EPB41L3: variants seen among roughly 807,000 people sequenced by gnomAD.
EPB41L3 encodes the protein erythrocyte membrane protein band 4.1 like 3, also known as band 4.1-like protein 3.
Under a neutral mutation model 127.1 loss-of-function variants are expected in EPB41L3, and 57 were observed. That is an observed-to-expected ratio of 0.45 (90% CI 0.36 to 0.56). The LOEUF (loss-of-function observed/expected upper bound fraction) is 0.56. Ranked by LOEUF, EPB41L3 falls within the 20% of genes least tolerant of loss-of-function variation. The probability of loss-of-function intolerance (pLI) is 0.00; values close to 1 mark genes in which losing one functional copy is unlikely to be tolerated. For synonymous variants in EPB41L3, 572 were observed against 549.5 expected, an observed-to-expected ratio of 1.04 and a Z score of -0.57; for missense variants, 1,273 against 1,372.2, an observed-to-expected ratio of 0.93 and a Z score of 1.14.
chr18:5,519,992 T>C (rs2092921093), intron 1 of EPB41L3, among the ~76,000 whole-genome samples: 1 of 152,224 alleles, frequency 6.6e-6, no homozygotes, highest in African/African-American at 2.4e-5. Context: ...ATGGAACTGT[T>C]TTGCTTTTTG....
At chr18:5,410,064 G>C (rs533704025) in intron 14 of EPB41L3, among the ~76,000 whole-genome samples, 1 of 152,242 alleles carries the variant, frequency 6.6e-6, no homozygotes, top group East Asian at 1.9e-4. Flanking sequence ...CTACAAAAAT[G>C]AGTCAGGTAA....
chr18:5,423,407 C>A lies in EPB41L3; in HGVS notation c.1310G>T (p.Arg437Leu), dbSNP rs781699049. The A allele has an allele frequency of 6.2e-7, 1 of 1,612,206 alleles. No individual in the cohort carries two copies. Among genetic ancestry groups the A allele is most frequent in the Non-Finnish European group, 8.5e-7 (1 of 1,178,612 alleles). Reference protein sequence around the residue: ...APYFERSSSKRYTMSRSLDGE... With the variant: ...APYFERSSSKLYTMSRSLDGE... ...ATCCAAGCTGCGAGACATGGTATAA[C>A]GTTTGCTGGATGAGCGTTCAAAGTA... Residue 437 changes from arginine to leucine, a missense_variant, in exon 11 of 23, where the codon CGT (arginine) becomes CTT (leucine). Arg to Leu is a moderately radical substitution (Grantham distance 102, BLOSUM62 -2). Coordinates refer to ENST00000341928, the MANE Select transcript of EPB41L3 (RefSeq NM_012307.5).
In EPB41L3 at chr18:5,397,615, G is replaced by A. The variant is rs2073785982; in HGVS notation, c.2473-189C>T. On this transcript the variant is annotated intron_variant, in intron 17 of 22. Transcript: ENST00000341928. This position sits in a 1 kb window ranked among gnomAD's most constrained non-coding sequence, Gnocchi z 4.1. ...TCTCTGATGCCTGCCCCTGCCCCTG[G>A]TGCATGCACTTGAACCTGCGCTGCT... is the stretch of plus-strand genomic sequence containing the variant. Among the ~76,000 whole-genome samples, 2 of 151,994 alleles carry A rather than the reference G, an allele frequency of 1.3e-5. No individual in the cohort carries two copies. Among genetic ancestry groups the A allele is most frequent in the Admixed American group, 6.5e-5 (1 of 15,274 alleles).
intron 7 of EPB41L3, 104 bp from the exon 8 acceptor site, chr18:5,433,660 G>T: frequency 9.8e-7 from 1 of 1,025,408 alleles, no homozygotes; most frequent in Admixed American, 2.4e-5. Flanking sequence ...TCCTATGGAG[G>T]CACCAGCAGA....
chr18:5,411,618 C>T (rs143903830), intron 13 of EPB41L3, among the ~76,000 whole-genome samples: 6 of 138,072 alleles, frequency 4.3e-5, no homozygotes, highest in Non-Finnish European at 9.1e-5. Context: ...CAGATATCAA[C>T]TAATCATTAA....
At chr18:5,629,745 A>G (rs546116472), upstream of EPB41L3, among the ~76,000 whole-genome samples, 104 of 152,240 alleles carry the variant, frequency 6.8e-4, no homozygotes, top group African/African-American at 2.4e-3. Context: ...CCCTCCTCGC[A>G]AAGAACTGGC....
intron 18 of EPB41L3, 98 bp downstream of exon 18, chr18:5,396,960 A>G (rs2073625591): frequency 7.6e-7 from 1 of 1,321,962 alleles, no homozygotes; most frequent in African/African-American, 1.5e-5. Context: ...GGAGAGGCAG[A>G]AAATTAAACT....
intron 3 of EPB41L3, among the ~76,000 whole-genome samples, chr18:5,559,320 A>AAAGG (rs1412207085): frequency 2.6e-5 from 4 of 152,214 alleles, no homozygotes; most frequent in Non-Finnish European, 5.9e-5. Context: ...CTTGGAACAC[A>AAAGG]GACTTTTTGC....
upstream of EPB41L3, among the ~76,000 whole-genome samples, chr18:5,546,792 T>C (rs559367705): frequency 6.6e-6 from 1 of 152,306 alleles, no homozygotes; most frequent in East Asian, 1.9e-4. Context: ...ATCTTGATAA[T>C]AGCGATCTCT....
rs35885041 is a variant in EPB41L3, at chr18:5,424,640, G to GT, written c.1066-282dup. ...AACTGAAAACCAAACACGAAAAGGG[G>GT]TTTTTTTGATTTCTTCCAGAAATCA... On this transcript the variant is annotated intron_variant, in intron 9 of 22. Coordinates refer to ENST00000341928, the MANE Select transcript of EPB41L3 (RefSeq NM_012307.5). 2.3e-3 allele frequency among the ~76,000 whole-genome samples: 349 copies of GT among 152,138 alleles called. 4 individuals are homozygous for GT. The highest frequency in any genetic ancestry group is 6.9e-3 in the African/African-American group (288 of 41,518).
chr18:5,490,269 C>G (rs556330868), intron 1 of EPB41L3, among the ~76,000 whole-genome samples: 10 of 152,236 alleles, frequency 6.6e-5, no homozygotes, highest in African/African-American at 2.2e-4. Context: ...TATTGTCATA[C>G]AATTTCCCTT....
chr18:5,561,125 C>G (rs1224012560), intron 3 of EPB41L3, among the ~76,000 whole-genome samples: 2 of 149,342 alleles, frequency 1.3e-5, no homozygotes, highest in Admixed American at 6.7e-5. Context: ...CTACAGGCGC[C>G]CGCCACTACG....
chr18:5,412,468 C>T (rs1036585660), intron 13 of EPB41L3, among the ~76,000 whole-genome samples: 2 of 152,116 alleles, frequency 1.3e-5, no homozygotes, highest in East Asian at 1.9e-4. Context: ...TCAAGTGATC[C>T]GCCTGCCTCG....
chr18:5,452,631 A>C (rs2082432441), intron 3 of EPB41L3, among the ~76,000 whole-genome samples: 1 of 152,192 alleles, frequency 6.6e-6, no homozygotes. Flanking sequence ...GAAAAATAAA[A>C]GTTCTCAGGA....
intron 1 of EPB41L3, among the ~76,000 whole-genome samples, chr18:5,516,750 G>A: frequency 6.6e-6 from 1 of 152,120 alleles, no homozygotes; most frequent in Non-Finnish European, 1.5e-5. Flanking sequence ...CTATATATTT[G>A]TATTAGCAGA....
chr18:5,628,136 G>T (rs2094943178), intron 1 of EPB41L3, among the ~76,000 whole-genome samples: 1 of 152,254 alleles, frequency 6.6e-6, no homozygotes, highest in Non-Finnish European at 1.5e-5. Context: ...TACAGCCTGG[G>T]AGGGGCAAGT....
intron 3 of EPB41L3, among the ~76,000 whole-genome samples, chr18:5,473,439 CA>C (rs1458170537): frequency 6.6e-6 from 1 of 151,748 alleles, no homozygotes; most frequent in Non-Finnish European, 1.5e-5. Flanking sequence ...GATGCAGCAG[CA>C]AACCTATCTT....
At chr18:5,396,546 C>T (rs956868410) in intron 18 of EPB41L3, among the ~76,000 whole-genome samples, 1 of 151,970 alleles carries the variant, frequency 6.6e-6, no homozygotes, top group Non-Finnish European at 1.5e-5. Context: ...TAAAGCAAAA[C>T]ATTTTGAAGG....
At chr18:5,558,480 C>T (rs1348048770) in intron 3 of EPB41L3, among the ~76,000 whole-genome samples, 1 of 152,106 alleles carries the variant, frequency 6.6e-6, no homozygotes, top group Non-Finnish European at 1.5e-5. Context: ...ACATTGGTAT[C>T]CAGACACCAT....
Sources: allele counts gnomAD v4.1 joint callset (sites outside exome capture counted in the v4.1 genomes callset), GRCh38; gene constraint gnomAD v4.1.1; non-coding constraint Gnocchi (gnomAD v3.1); transcripts MANE v1.5; gene names NCBI Gene and HGNC (gene_info 2026-07-23, HGNC 2026-07-21).